PTGER3: variants seen among roughly 807,000 people sequenced by gnomAD.
PTGER3 encodes the protein prostaglandin E receptor 3.
Under a neutral mutation model 34.7 loss-of-function variants are expected in PTGER3, and 22 were observed. That is an observed-to-expected ratio of 0.63 (90% confidence interval 0.45 to 0.91). The LOEUF is 0.91. Ranked by LOEUF, PTGER3 falls within the 40% of genes least tolerant of loss-of-function variation. The pLI, the probability that PTGER3 is intolerant of heterozygous loss-of-function variation, is 0.00. For missense variants in PTGER3, 468 were observed against 519.4 expected, an observed-to-expected ratio of 0.90 and a Z score of 0.96; for synonymous variants, 241 against 230.1, an observed-to-expected ratio of 1.05 and a Z score of -0.43.
chr1:70,940,790 A>T (rs1649686446), intron 4 of PTGER3, among the ~76,000 whole-genome samples: 1 of 152,198 alleles, frequency 6.6e-6, no homozygotes. Context: ...TTGAGTGGGG[A>T]CACAGACAAA....
chr1:71,040,827 C>A (rs1003644060), intron 1 of PTGER3, among the ~76,000 whole-genome samples: 2 of 152,122 alleles, frequency 1.3e-5, no homozygotes, highest in Non-Finnish European at 2.9e-5. Context: ...TCAGGGCACC[C>A]AATCACGGCC....
At chr1:71,005,437 T>C (rs534567320) in intron 2 of PTGER3, among the ~76,000 whole-genome samples, 1 of 152,334 alleles carries the variant, frequency 6.6e-6, no homozygotes, top group Admixed American at 6.5e-5. Flanking sequence ...TGCCACCTTC[T>C]ACAGGAATAC....
chr1:70,880,962 T>A (rs576303413), intron 4 of PTGER3, among the ~76,000 whole-genome samples: 1 of 152,306 alleles, frequency 6.6e-6, no homozygotes, highest in Admixed American at 6.5e-5. Context: ...TCTAGTGAGA[T>A]TGGGAAAATT....
chr1:71,022,160 A>C (rs1360590721), intron 1 of PTGER3, among the ~76,000 whole-genome samples: 1 of 151,872 alleles, frequency 6.6e-6, no homozygotes, highest in East Asian at 1.9e-4. Context: ...AAAGCATTAC[A>C]TTTAGAGTAG....
intron 4 of PTGER3, among the ~76,000 whole-genome samples, chr1:70,896,013 TCTGGGAAAGA>T (rs1384847742): frequency 6.6e-6 from 1 of 152,236 alleles, no homozygotes; most frequent in East Asian, 1.9e-4. Context: ...AGCTACTCTT[TCTGGGAAAGA>T]CTGCCCTTTG....
chr1:71,042,047 G>C (rs368522292), intron 1 of PTGER3, among the ~76,000 whole-genome samples: 1 of 152,018 alleles, frequency 6.6e-6, no homozygotes, highest in African/African-American at 2.4e-5. Context: ...TTCACAGCTT[G>C]TTCAAAAGAG....
chr1:71,039,646 T>C (rs1329715952), intron 1 of PTGER3, among the ~76,000 whole-genome samples: 2 of 93,478 alleles, frequency 2.1e-5, no homozygotes, highest in Non-Finnish European at 3.9e-5. Flanking sequence ...CGAGACTCTG[T>C]CTCAAAAAAA....
intron 4 of PTGER3, chr1:70,884,061 TG>T: frequency 2.5e-6 from 1 of 404,514 alleles, no homozygotes. Context: ...CACTCCAGTC[TG>T]GGTGAGAGAG....
chr1:70,965,077 G>A (rs532453194), intron 2 of PTGER3, among the ~76,000 whole-genome samples: 6 of 152,160 alleles, frequency 3.9e-5, no homozygotes, highest in Non-Finnish European at 5.9e-5. Context: ...GGAGAAGGGA[G>A]TATCCAATGT....
chr1:70,963,523 G>A (rs1652173172), intron 2 of PTGER3, among the ~76,000 whole-genome samples: 1 of 152,192 alleles, frequency 6.6e-6, no homozygotes, highest in South Asian at 2.1e-4. Flanking sequence ...TGGCCTTTGT[G>A]TACCTGCAGG....
At chr1:70,952,291 TAGTA>T, downstream of PTGER3, 1 of 401,230 alleles carries the variant, frequency 2.5e-6, no homozygotes, top group African/African-American at 2.2e-5. Context: ...AAAGTTCTTG[TAGTA>T]AGTAACTTCG....
downstream of PTGER3, among the ~76,000 whole-genome samples, chr1:70,950,497 G>A (rs1024362108): frequency 2.6e-5 from 4 of 152,080 alleles, no homozygotes; most frequent in Admixed American, 6.6e-5. Flanking sequence ...CACCTTTCAC[G>A]GGAAAAAGGA....
At chr1:70,984,895 C>T (rs919983962) in intron 2 of PTGER3, among the ~76,000 whole-genome samples, 5 of 152,044 alleles carry the variant, frequency 3.3e-5, no homozygotes, top group African/African-American at 9.7e-5. Context: ...AGTGAAACAA[C>T]AAAAATGTAC....
intron 4 of PTGER3, among the ~76,000 whole-genome samples, chr1:70,871,352 T>A (rs1468010842): frequency 6.6e-6 from 1 of 152,180 alleles, no homozygotes; most frequent in Non-Finnish European, 1.5e-5. Flanking sequence ...ATGATGGATC[T>A]GCCTGGATGA....
At chr1:71,041,550 AC>A (rs907154466) in intron 1 of PTGER3, among the ~76,000 whole-genome samples, 9 of 152,060 alleles carry the variant, frequency 5.9e-5, no homozygotes, top group Admixed American at 5.9e-4. Context: ...TATAAGAGGA[AC>A]CCCCCCAAAA....
intron 4 of PTGER3, among the ~76,000 whole-genome samples, chr1:70,914,515 T>C (rs1420870894): frequency 6.6e-6 from 1 of 151,902 alleles, no homozygotes; most frequent in Non-Finnish European, 1.5e-5. Flanking sequence ...TAGCTGTTTG[T>C]CATTAAAAAA....
intron 1 of PTGER3, among the ~76,000 whole-genome samples, chr1:71,012,758 A>T (rs547955115): frequency 6.6e-6 from 1 of 152,318 alleles, no homozygotes; most frequent in South Asian, 2.1e-4. Flanking sequence ...GCTTGAAAAT[A>T]ACACATCTCA....
At chr1:70,884,277 T>C (rs977314149) in intron 4 of PTGER3, among the ~76,000 whole-genome samples, 36 of 152,288 alleles carry the variant, frequency 2.4e-4, no homozygotes, top group Admixed American at 2.4e-3. Context: ...CACCCCCTGG[T>C]ATACACATGC....
chr1:70,938,945 T>C (rs1649501430), intron 4 of PTGER3, among the ~76,000 whole-genome samples: 2 of 151,780 alleles, frequency 1.3e-5, no homozygotes, highest in Admixed American at 6.6e-5. Flanking sequence ...TTCCCAACTG[T>C]CCCCCAAAGT....
Sources: allele counts gnomAD v4.1 joint callset (sites outside exome capture counted in the v4.1 genomes callset), GRCh38; gene constraint gnomAD v4.1.1; transcripts MANE v1.5; gene names NCBI Gene and HGNC (gene_info 2026-07-23, HGNC 2026-07-21).